WSCD1: variants seen among roughly 807,000 people sequenced by gnomAD.
WSCD1 encodes sialate:O-sulfotransferase 1.
WSCD1 carries 41 observed loss-of-function variants against 60.4 expected under a neutral mutation model. The ratio of observed to expected loss-of-function variants is 0.68; its 90% CI spans 0.53 to 0.88. WSCD1 has a LOEUF of 0.88. Among genes scored for constraint, WSCD1 ranks in the 40% least tolerant of loss-of-function variants. The pLI is 0.00. For synonymous variants in WSCD1, 361 were observed against 332.5 expected, an observed-to-expected ratio of 1.09 and a Z score of -0.93; for missense variants, 784 against 796.2, an observed-to-expected ratio of 0.98 and a Z score of 0.18.
chr17:6,077,334 G>A (rs1390591851), intron 1 of WSCD1, among the ~76,000 whole-genome samples: 1 of 151,714 alleles, frequency 6.6e-6, no homozygotes, highest in African/African-American at 2.4e-5. Context: ...TGATCCACCC[G>A]CCTCGGCCTC....
chr17:6,108,599 C>T (rs1911236100), intron 5 of WSCD1, among the ~76,000 whole-genome samples: 1 of 152,222 alleles, frequency 6.6e-6, no homozygotes, highest in South Asian at 2.1e-4. Context: ...GGAAGCATGC[C>T]AGGCCCGGTG....
chr17:6,112,154 T>C (rs1357766235), intron 7 of WSCD1, among the ~76,000 whole-genome samples: 2 of 152,130 alleles, frequency 1.3e-5, no homozygotes, highest in African/African-American at 4.8e-5. Context: ...CCTAATGACG[T>C]ACCTCAAGGA....
At position 6,110,220 on chromosome 17, in the gene WSCD1, G is replaced by T. The variant is rs148299403; in HGVS notation, c.1009+454G>T. 6.6e-6 allele frequency among the ~76,000 whole-genome samples: 1 copy of T among 152,158 alleles called. No homozygotes were observed. Among genetic ancestry groups the T allele is most frequent in the Non-Finnish European group, 1.5e-5 (1 of 68,014 alleles). ...ACTGATGAAAGGAAGAGCCGGGGACGAGGGATGTTACCACCTTTATCAAGT... is the reference window on the plus strand; with the variant it reads ...ACTGATGAAAGGAAGAGCCGGGGACTAGGGATGTTACCACCTTTATCAAGT... On this transcript the variant is annotated intron_variant, in intron 6 of 8. Coordinates refer to ENST00000317744, the MANE Select transcript of WSCD1 (RefSeq NM_015253.2). The surrounding 1 kb of genome is among the most constrained non-coding windows in gnomAD (Gnocchi z 4.8).
chr17:6,099,772 T>A (rs544005492), intron 5 of WSCD1, among the ~76,000 whole-genome samples: 1 of 152,212 alleles, frequency 6.6e-6, no homozygotes, highest in African/African-American at 2.4e-5. Context: ...TCCTCCAGCA[T>A]CCCAATATAA....
chr17:6,089,166 C>T (rs976362330), intron 3 of WSCD1, among the ~76,000 whole-genome samples: 1 of 152,152 alleles, frequency 6.6e-6, no homozygotes, highest in Non-Finnish European at 1.5e-5. Context: ...GAGAAACTGA[C>T]GCTGGAGAAA....
chr17:6,096,008 G>A (rs1910399839), intron 5 of WSCD1, among the ~76,000 whole-genome samples: 1 of 152,206 alleles, frequency 6.6e-6, no homozygotes, highest in Non-Finnish European at 1.5e-5. Context: ...AATAGAACAG[G>A]GCTAAGGTGA....
intron 8 of WSCD1, among the ~76,000 whole-genome samples, 173 bp from the exon 9 acceptor site, chr17:6,120,136 G>A (rs3826523): frequency 0.16 from 25,075 of 152,164 alleles, 3,522 homozygotes; most frequent in African/African-American, 0.38. Flanking sequence ...CACCCACCAC[G>A]GACACACTGC....
In WSCD1 at chr17:6,075,343, A is replaced by T. The variant is rs546080053; in HGVS notation, c.-289+4691A>T. Among the ~76,000 whole-genome samples, 129 of 152,098 alleles carry T rather than the reference A, an allele frequency of 8.5e-4. No individual in the cohort carries two copies. The highest frequency in any genetic ancestry group is 3.0e-3 in the African/African-American group (123 of 41,462). On this transcript the variant is annotated intron_variant, in intron 1 of 8. Coordinates refer to ENST00000317744, the MANE Select transcript of WSCD1 (RefSeq NM_015253.2). This position sits in a 1 kb window ranked among gnomAD's most constrained non-coding sequence, Gnocchi z 4.1. ...CTGAACCCCAGTGGCCACTGGCTGC[A>T]CCTGGGCCAGCTCCGAGTTCTATCT... is the stretch of plus-strand genomic sequence containing the variant.
chr17:6,082,019 G>A (rs563518703), intron 2 of WSCD1: 1 of 152,250 alleles, frequency 6.6e-6, no homozygotes, highest in African/African-American at 2.4e-5. Flanking sequence ...CAGAGGCCCT[G>A]GTATATTATT....
At chr17:6,095,513 T>C (rs1240984843) in intron 5 of WSCD1, among the ~76,000 whole-genome samples, 2 of 152,208 alleles carry the variant, frequency 1.3e-5, no homozygotes, top group Non-Finnish European at 2.9e-5. Flanking sequence ...TGTCAGATGT[T>C]AAATTGACTT....
At chr17:6,070,153 G>GGGGT, upstream of WSCD1, among the ~76,000 whole-genome samples, 3 of 142,324 alleles carry the variant, frequency 2.1e-5, no homozygotes, top group African/African-American at 7.8e-5. Context: ...CTGGGTGACT[G>GGGGT]GTGTGTGTGT....
intron 1 of WSCD1, among the ~76,000 whole-genome samples, chr17:6,071,661 G>C (rs759586068): frequency 6.6e-6 from 1 of 152,198 alleles, no homozygotes; most frequent in Non-Finnish European, 1.5e-5. Context: ...TTTTTCCTCT[G>C]ATTTGCCTAG....
chr17:6,078,561 GGTGT>G (rs67928797), intron 1 of WSCD1, among the ~76,000 whole-genome samples: 2,481 of 150,386 alleles, frequency 0.016, 37 homozygotes, highest in Non-Finnish European at 0.022. Context: ...GAATGTGGAG[GGTGT>G]GTGTGTGTGT....
At chr17:6,084,046 G>T (rs781445367) in intron 2 of WSCD1, among the ~76,000 whole-genome samples, 1 of 152,118 alleles carries the variant, frequency 6.6e-6, no homozygotes, top group Non-Finnish European at 1.5e-5. Flanking sequence ...TTCCAGGTTG[G>T]CTGGTAAATG....
At position 6,081,082 on chromosome 17, in the gene WSCD1, C is replaced by G. The variant is rs1408793098; in HGVS notation, c.424C>G (p.Arg142Gly). 4 of 1,536,148 alleles carry G rather than the reference C, an allele frequency of 2.6e-6. No individual in the cohort carries two copies. The highest frequency in any genetic ancestry group is 3.5e-6 in the Non-Finnish European group (4 of 1,143,664). ...GGCTGCCAGGCCCGCCATCCACAGC[C>G]GAGGTAGGCGCTCAGCTGCATTTGG... ...PEAARPAIHS[R>G]GTYIGCFSDD... The change falls in exon 2 of 9, where the codon CGA (arginine) becomes GGA (glycine). Residue 142 changes from arginine to glycine, a missense_variant. Transcript: ENST00000317744.
intron 1 of WSCD1, among the ~76,000 whole-genome samples, chr17:6,079,380 C>T (rs904876063): frequency 6.6e-6 from 1 of 152,178 alleles, no homozygotes; most frequent in Non-Finnish European, 1.5e-5. Context: ...CAGCCCAGGT[C>T]GTGGCAGCTG....
At chr17:6,092,740 A>G (rs1910141466) in intron 4 of WSCD1, among the ~76,000 whole-genome samples, 1 of 152,150 alleles carries the variant, frequency 6.6e-6, no homozygotes, top group Non-Finnish European at 1.5e-5. Context: ...CTGCCTGCTC[A>G]GTAATTGATT....
intron 1 of WSCD1, among the ~76,000 whole-genome samples, chr17:6,079,134 G>A (rs1324106147): frequency 1.3e-5 from 2 of 152,232 alleles, no homozygotes; most frequent in Admixed American, 1.3e-4. Context: ...ATGCCTATCT[G>A]GGGTCTTTGT....
rs1277609585 is a variant in WSCD1, at chr17:6,080,540, C to T, written c.-119C>T. On this transcript the variant is annotated 5_prime_UTR_variant, in exon 2 of 9. Coordinates refer to ENST00000317744, the MANE Select transcript of WSCD1 (RefSeq NM_015253.2). The surrounding 1 kb of genome is among the most constrained non-coding windows in gnomAD (Gnocchi z 6.6). Reference sequence around the variant, plus strand: ...AACAGTGAGTGACCCCAGGCGAGCACAGGCAGGTGCCAGGAGCCAGGATGC... The same window carrying T: ...AACAGTGAGTGACCCCAGGCGAGCATAGGCAGGTGCCAGGAGCCAGGATGC... 1.8e-5 allele frequency: 19 copies of T among 1,073,066 alleles called. No individual in the cohort carries two copies. Among genetic ancestry groups the T allele is most frequent in the Admixed American group, 4.8e-5 (2 of 41,676 alleles). 66.5% of individuals were successfully genotyped at this position (1,073,066 alleles called of 1,614,324 possible). A position where few individuals can be genotyped will look rare whatever the true frequency, so the allele number is the denominator to read the frequency against.
Sources: gnomAD v4.1 joint callset for allele counts (sites outside exome capture counted in the v4.1 genomes callset) on GRCh38, gnomAD v4.1.1 for gene constraint, Gnocchi (gnomAD v3.1) non-coding constraint, MANE v1.5 for transcripts, NCBI Gene and HGNC (gene_info 2026-07-23, HGNC 2026-07-21) for gene names.